The following CSNK1A1 variants were observed in gnomAD, a reference collection of about 807,000 sequenced individuals.
CSNK1A1 encodes the protein casein kinase I isoform alpha.
Under a neutral mutation model 46.1 loss-of-function variants are expected in CSNK1A1, and 7 were observed. The ratio of observed to expected loss-of-function variants is 0.15; its 90% CI spans 0.09 to 0.29. CSNK1A1 has a LOEUF of 0.29. CSNK1A1 is among the 10% of genes least tolerant of loss of function. The pLI, the probability that CSNK1A1 is intolerant of heterozygous loss-of-function variation, is 1.00. For synonymous variants in CSNK1A1, 137 were observed against 141.5 expected (o/e 0.97, Z 0.23); for missense variants, 96 against 417.1 (o/e 0.23, Z 6.71).
intron 3 of CSNK1A1, among the ~76,000 whole-genome samples, chr5:149,522,323 C>T (rs1006139501): frequency 2.0e-5 from 3 of 152,048 alleles, no homozygotes; most frequent in Admixed American, 1.3e-4. Context: ...GTTGCCCAGG[C>T]TGCTCTCGAA....
intron 5 of CSNK1A1, among the ~76,000 whole-genome samples, chr5:149,512,441 T>C (rs1761257509): frequency 6.6e-6 from 1 of 152,158 alleles, no homozygotes; most frequent in South Asian, 2.1e-4. Flanking sequence ...ATGAGGTTCT[T>C]TAACCTGGAG....
At chr5:149,526,245 C>G (rs1485023598) in intron 2 of CSNK1A1, among the ~76,000 whole-genome samples, 1 of 152,118 alleles carries the variant, frequency 6.6e-6, no homozygotes, top group Non-Finnish European at 1.5e-5. Flanking sequence ...TCAAGCAATC[C>G]TCCTATTTCA....
intron 2 of CSNK1A1, among the ~76,000 whole-genome samples, chr5:149,542,726 C>T (rs1228712422): frequency 7.0e-5 from 8 of 113,972 alleles, no homozygotes; most frequent in Non-Finnish European, 1.2e-4. Flanking sequence ...GACAGAGGCT[C>T]GCTCTGTCAC....
At chr5:149,542,596 A>T (rs1265510428) in intron 2 of CSNK1A1, among the ~76,000 whole-genome samples, 11 of 3,928 alleles carry the variant, frequency 2.8e-3, no homozygotes, top group East Asian at 0.01. Context: ...ACAAATTTAT[A>T]TATATATATA....
intron 9 of CSNK1A1, chr5:149,497,317 T>G (rs1760684803): frequency 3.0e-6 from 3 of 988,136 alleles, no homozygotes; most frequent in Admixed American, 6.0e-5. Flanking sequence ...ATTCAAAGCA[T>G]AATTATCTGT....
intron 7 of CSNK1A1, among the ~76,000 whole-genome samples, chr5:149,509,433 G>A (rs752821): frequency 0.33 from 50,260 of 151,664 alleles, 9,205 homozygotes; most frequent in African/African-American, 0.5. Context: ...CTGGAGTGCA[G>A]TGGCACAATC....
chr5:149,499,303 A>G, intron 9 of CSNK1A1: 1 of 712,218 alleles, frequency 1.4e-6, no homozygotes, highest in Non-Finnish European at 1.7e-6. Flanking sequence ...CCTTAAAAAA[A>G]AAGGGGAGGG....
At chr5:149,547,953 C>T (rs1394893526) in intron 2 of CSNK1A1, among the ~76,000 whole-genome samples, 1 of 152,090 alleles carries the variant, frequency 6.6e-6, no homozygotes, top group Non-Finnish European at 1.5e-5. Context: ...TTACTGCAAC[C>T]TCCGACTCCC....
intron 9 of CSNK1A1, chr5:149,497,498 C>T (rs1760690125): frequency 1.0e-6 from 1 of 985,566 alleles, no homozygotes; most frequent in Non-Finnish European, 1.2e-6. Flanking sequence ...ACACATTCTA[C>T]AAATACTTCC....
chr5:149,518,963 T>C (rs777748787), intron 4 of CSNK1A1, among the ~76,000 whole-genome samples: 5 of 151,988 alleles, frequency 3.3e-5, no homozygotes, highest in Non-Finnish European at 4.4e-5. Context: ...GCCAAGAAGA[T>C]TGGAGTCAAA....
intron 6 of CSNK1A1, 52 bp downstream of exon 6, chr5:149,511,742 T>C: frequency 7.9e-7 from 1 of 1,260,584 alleles, no homozygotes; most frequent in Non-Finnish European, 1.1e-6. Flanking sequence ...CCAATATATA[T>C]TTTTATTCTA....
chr5:149,538,358 T>A (rs1762128465), intron 2 of CSNK1A1, among the ~76,000 whole-genome samples: 1 of 152,116 alleles, frequency 6.6e-6, no homozygotes, highest in African/African-American at 2.4e-5. Context: ...ACAGGGTAGG[T>A]ACCCTCAGGT....
intron 2 of CSNK1A1, among the ~76,000 whole-genome samples, chr5:149,542,432 A>G (rs1414181232): frequency 1.7e-5 from 2 of 115,782 alleles, no homozygotes; most frequent in Non-Finnish European, 3.5e-5. Flanking sequence ...AATCATTCCC[A>G]CCCCCACCCC....
Position 149,550,133 on chromosome 5 carries a change from G to GC in CSNK1A1, c.171dup (p.Leu58AlafsTer8). The GC allele has an allele frequency of 6.2e-7, 1 of 1,613,968 alleles. No individual in the cohort carries two copies. Among genetic ancestry groups the GC allele is most frequent in the Non-Finnish European group, 8.5e-7 (1 of 1,179,946 alleles). On this transcript the variant is annotated frameshift_variant, in exon 2 of 10. Coordinates refer to ENST00000377843, the MANE Select transcript of CSNK1A1 (RefSeq NM_001892.6). LOFTEE classifies it high-confidence loss of function. The surrounding 1 kb of genome is among the most constrained non-coding windows in gnomAD (Gnocchi z 4.3). Reference sequence around the variant, plus strand: ...ATCTTATAGAGCTTGCTCTCGTACAGCAACTGGGGATGCCTGGCCTTCTGA... The same window carrying GC: ...ATCTTATAGAGCTTGCTCTCGTACAGCCAACTGGGGATGCCTGGCCTTCTGA...
chr5:149,538,778 C>T (rs899057916), intron 2 of CSNK1A1, among the ~76,000 whole-genome samples: 4 of 151,936 alleles, frequency 2.6e-5, no homozygotes, highest in African/African-American at 7.3e-5. Flanking sequence ...CAAAATTAGC[C>T]GAGTGTGATG....
chr5:149,520,430 A>T (rs1440177011), intron 3 of CSNK1A1, 42 bp from the exon 4 acceptor site: 1 of 1,103,892 alleles, frequency 9.1e-7, no homozygotes. Context: ...TTAAGTAGTA[A>T]ATGAAAATCA....
Position 149,550,732 on chromosome 5 carries a change from G to A in CSNK1A1, c.123+110C>T, listed in dbSNP as rs1762631640. The A allele has an allele frequency of 1.4e-6, 2 of 1,475,820 alleles. No homozygotes were observed. Among genetic ancestry groups the A allele is most frequent in the Non-Finnish European group, 1.8e-6 (2 of 1,083,984 alleles). The allele number at this position is 1,475,820 out of a possible 1,614,324, so 91.4% of individuals were successfully genotyped here. ...GGAAAACTAGCTCCCTGGACTCCCTGGCGAGTGCGTGCGATGAGGAGAGGC... is the reference window on the plus strand; with the variant it reads ...GGAAAACTAGCTCCCTGGACTCCCTAGCGAGTGCGTGCGATGAGGAGAGGC... On this transcript the variant is annotated intron_variant, in intron 1 of 9. Coordinates refer to ENST00000377843, the MANE Select transcript of CSNK1A1 (RefSeq NM_001892.6). The surrounding 1 kb of genome is among the most constrained non-coding windows in gnomAD (Gnocchi z 4.3).
At chr5:149,538,922 CAAAAAAAAAAAAAGA>C (rs1174695786) in intron 2 of CSNK1A1, among the ~76,000 whole-genome samples, 1 of 131,950 alleles carries the variant, frequency 7.6e-6, no homozygotes, top group East Asian at 2.1e-4. Context: ...AACTCCGTCT[CAAAAAAAAAAAAAGA>C]AAAAGAAAAA....
chr5:149,537,549 G>A (rs939372042), intron 2 of CSNK1A1, among the ~76,000 whole-genome samples: 10 of 151,692 alleles, frequency 6.6e-5, no homozygotes, highest in Admixed American at 2.0e-4. Flanking sequence ...GTGGTTCTCT[G>A]GTCTTTAGTA....
Sources: gnomAD v4.1 joint callset for allele counts (sites outside exome capture counted in the v4.1 genomes callset) on GRCh38, gnomAD v4.1.1 for gene constraint, Gnocchi (gnomAD v3.1) non-coding constraint, MANE v1.5 for transcripts, NCBI Gene and HGNC (gene_info 2026-07-23, HGNC 2026-07-21) for gene names.